PLPP2: variants seen among roughly 807,000 people sequenced by gnomAD.
PLPP2 encodes the protein PAP2-gamma.
A neutral mutation model predicts 35.2 loss-of-function variants in PLPP2; 29 were observed. The observed-to-expected ratio is 0.82, with a 90% CI of 0.61 to 1.12. The LOEUF is 1.12. Ranked by LOEUF, PLPP2 falls within the 50% of genes most tolerant of loss-of-function variation. PLPP2 has a pLI of 0.00. For missense variants in PLPP2, 353 were observed against 375.2 expected (o/e 0.94, Z 0.49); for synonymous variants, 162 against 167.0 (o/e 0.97, Z 0.23).
rs1600084349 is a variant in PLPP2, at chr19:288,176, T to G, written c.53-5A>C. The stretch of plus-strand genomic sequence containing the variant: ...GGATAGCGAAGGGCAGGGAGGCTGG[T>G]GGGGAAGAAAAGCCTGGGAGCTGTG... On this transcript the variant is annotated splice_region_variant and splice_polypyrimidine_tract_variant and intron_variant, in intron 1 of 5. Transcript: ENST00000434325. 1.3e-6 allele frequency: 2 copies of G among 1,567,910 alleles called. No homozygotes were observed. The highest frequency in any genetic ancestry group is 8.7e-7 in the Non-Finnish European group (1 of 1,152,410).
chr19:290,530 G>A (rs1970366125), intron 1 of PLPP2, among the ~76,000 whole-genome samples: 2 of 151,498 alleles, frequency 1.3e-5, no homozygotes, highest in Admixed American at 1.3e-4. Context: ...ACACGTTGGG[G>A]AGGAGGGCAC....
chr19:291,128 G>A (rs1389158142), intron 1 of PLPP2, 157 bp downstream of exon 1: 3 of 1,384,104 alleles, frequency 2.2e-6, no homozygotes, highest in East Asian at 3.0e-5. Flanking sequence ...TGCGGGGCGC[G>A]GAGGGAGGTC....
At position 282,127 on chromosome 19, in the gene PLPP2, A is replaced by G; in HGVS notation, c.717+7T>C. ...CACAGGGGATAGAGTTAGGGTTAGA[A>G]GCTCACAGTGAGGGCAGCCACCAGT... On this transcript the variant is annotated splice_region_variant and intron_variant, in intron 5 of 5. Transcript: ENST00000434325. The G allele has an allele frequency of 6.2e-7, 1 of 1,613,036 alleles. No homozygotes were observed. The highest frequency in any genetic ancestry group is 1.3e-5 in the African/African-American group (1 of 74,942).
chr19:281,445 C>T lies in PLPP2; in HGVS notation c.810G>A (p.Thr270=), dbSNP rs753899460. The change falls in exon 6 of 6, where the codon ACG becomes ACA. Residue 270 remains threonine, a synonymous_variant. Transcript: ENST00000434325. ...TGTGGTCAGCCTCGCCCAGGGTCAACGTCAGTGACAGGCTGGGCTTCCGTT... is the reference window on the plus strand; with the variant it reads ...TGTGGTCAGCCTCGCCCAGGGTCAATGTCAGTGACAGGCTGGGCTTCCGTT... ...ELERKPSLSL[T]LTLGEADHNH... 15 of 1,556,226 alleles carry T rather than the reference C, an allele frequency of 9.6e-6. 1 individual carries two copies. Among genetic ancestry groups the T allele is most frequent in the Admixed American group, 3.7e-5 (2 of 54,068 alleles).
At chr19:290,086 A>T (rs1970355970) in intron 1 of PLPP2, among the ~76,000 whole-genome samples, 1 of 152,032 alleles carries the variant, frequency 6.6e-6, no homozygotes, top group Admixed American at 6.6e-5. Flanking sequence ...AGCCCCCGGG[A>T]GCCCTCCCGC....
Position 287,856 on chromosome 19 carries a change from A to G in PLPP2, c.205-105T>C. On this transcript the variant is annotated intron_variant, in intron 2 of 5. Transcript: ENST00000434325. This position sits in a 1 kb window ranked among gnomAD's most constrained non-coding sequence, Gnocchi z 4.3. ...GCTGCTGGAGAGCTGGGGACTCTGAAGGGGGCCCTATTACCCACAGGTACC... is the reference window on the plus strand; with the variant it reads ...GCTGCTGGAGAGCTGGGGACTCTGAGGGGGGCCCTATTACCCACAGGTACC... 1 of 1,526,326 alleles carries G rather than the reference A, an allele frequency of 6.6e-7. No individual in the cohort carries two copies. The highest frequency in any genetic ancestry group is 2.0e-4 in the Middle Eastern group (1 of 5,022). The allele number at this position is 1,526,326 out of a possible 1,614,324, so 94.5% of individuals were successfully genotyped here.
At chr19:284,881 CAG>C (rs1568201482) in intron 3 of PLPP2, 1 of 152,200 alleles carries the variant, frequency 6.6e-6, no homozygotes, top group Non-Finnish European at 1.5e-5. Context: ...CTTTGGGAGG[CAG>C]AGACGGGCAG....
In PLPP2 at chr19:287,517, C is replaced by T; in HGVS notation, c.439G>A (p.Glu147Lys). 1.2e-6 allele frequency: 2 copies of T among 1,613,604 alleles called. No homozygotes were observed. Among genetic ancestry groups the T allele is most frequent in the Non-Finnish European group, 1.7e-6 (2 of 1,179,928 alleles). ...RVNCSVYVQL[E>K]KVCRGNPADV... is the part of the protein sequence containing the mutation. ...GCAGGGTTTCCCCTGCACACCTTCT[C>T]CAGCTGCACATAGACCGAGCAGTTG... The change falls in exon 3 of 6, where the codon GAG (glutamate) becomes AAG (lysine). Residue 147 changes from glutamate to lysine, a missense_variant. Transcript: ENST00000434325. The surrounding 1 kb of genome is among the most constrained non-coding windows in gnomAD (Gnocchi z 4.3).
Position 287,495 on chromosome 19 carries a change from G to A in PLPP2, c.461C>T (p.Pro154Leu), listed in dbSNP as rs778291591. Reference protein sequence around the residue: ...VQLEKVCRGNPADVTEARLSF... With the variant: ...VQLEKVCRGNLADVTEARLSF... ...CCACCTGGCCTCGGTGACATCAGCA[G>A]GGTTTCCCCTGCACACCTTCTCCAG... Residue 154 changes from proline to leucine, a missense_variant, in exon 3 of 6, where the codon CCT (proline) becomes CTT (leucine). By Grantham distance (98) the Pro-to-Leu change is moderately conservative (BLOSUM62 -3). Transcript: ENST00000434325. The surrounding 1 kb of genome is among the most constrained non-coding windows in gnomAD (Gnocchi z 4.3). 6.2e-7 allele frequency: 1 copy of A among 1,612,296 alleles called. No individual in the cohort carries two copies. Among genetic ancestry groups the A allele is most frequent in the Non-Finnish European group, 8.5e-7 (1 of 1,178,896 alleles).
chr19:291,002 C>A lies in PLPP2; in HGVS notation c.52+283G>T, dbSNP rs1970379134. On this transcript the variant is annotated intron_variant, in intron 1 of 5. Coordinates refer to ENST00000434325, the MANE Select transcript of PLPP2 (RefSeq NM_003712.4). ...GAGGCGCGCGCGCGGCCCCTCCGCA[C>A]AGACTTCCTGCTGCCGGGGCGGGGG... 5 of 1,274,520 alleles carry A rather than the reference C, an allele frequency of 3.9e-6. No individual in the cohort carries two copies. The South Asian group carries it at 1.1e-4, about 29-fold the overall frequency. 79.0% of individuals were successfully genotyped at this position (1,274,520 alleles called of 1,614,324 possible).
chr19:281,150 G>A lies in PLPP2; in HGVS notation c.*238C>T, dbSNP rs1413496267. 1.3e-5 allele frequency: 5 copies of A among 384,290 alleles called. No individual in the cohort carries two copies. The highest frequency in any genetic ancestry group is 3.7e-5 in the East Asian group (1 of 26,692). The allele number at this position is 384,290 out of a possible 1,614,324, so 23.8% of individuals were successfully genotyped here. ...CCTTCCTTAACCCCATAAAAAGAAG[G>A]GGATATTTGGGGACCGACGGGAACA... On this transcript the variant is annotated 3_prime_UTR_variant, in exon 6 of 6. Transcript: ENST00000434325.
chr19:281,451 T>C lies in PLPP2; in HGVS notation c.804A>G (p.Ser268=), dbSNP rs1271707487. 1.1e-5 allele frequency: 17 copies of C among 1,559,378 alleles called. No individual in the cohort carries two copies. The highest frequency in any genetic ancestry group is 1.5e-5 in the Non-Finnish European group (17 of 1,151,674). The change falls in exon 6 of 6, where the codon TCA becomes TCG. Residue 268 remains serine, a synonymous_variant. Transcript: ENST00000434325. ...CAGCCTCGCCCAGGGTCAACGTCAG[T>C]GACAGGCTGGGCTTCCGTTCCAGCT... ...EEELERKPSL[S]LTLTLGEADH...
intron 1 of PLPP2, 46 bp from the exon 2 acceptor site, chr19:288,217 C>G: frequency 1.3e-6 from 2 of 1,537,008 alleles, no homozygotes; most frequent in Non-Finnish European, 1.8e-6. Context: ...CTCTCACCAG[C>G]TGGGCCTTGG....
chr19:282,065 C>G, intron 5 of PLPP2, 69 bp downstream of exon 5: 1 of 1,552,976 alleles, frequency 6.4e-7, no homozygotes, highest in South Asian at 1.1e-5. Context: ...GTACCCAGGG[C>G]AGCACTAGGG....
At chr19:281,706 C>T (rs1970176824) in intron 5 of PLPP2, among the ~76,000 whole-genome samples, 169 bp from the exon 6 acceptor site, 1 of 150,670 alleles carries the variant, frequency 6.6e-6, no homozygotes, top group Non-Finnish European at 1.5e-5. Flanking sequence ...AGTGGAGGAC[C>T]AGTGGGGAGC....
At position 281,424 on chromosome 19, in the gene PLPP2, G is replaced by T. The variant is rs569329927; in HGVS notation, c.831C>A (p.Asp277Glu). The change falls in exon 6 of 6, where the codon GAC (aspartate) becomes GAA (glutamate). Residue 277 changes from aspartate (D) to glutamate (E), a missense_variant. Transcript: ENST00000434325. Reference sequence around the variant, plus strand: ...AGTGCGGGTATCCATAGTGGTTGTGGTCAGCCTCGCCCAGGGTCAACGTCA... The same window carrying T: ...AGTGCGGGTATCCATAGTGGTTGTGTTCAGCCTCGCCCAGGGTCAACGTCA... ...LSLTLTLGEA[D>E]HNHYGYPHSS... is the part of the protein sequence containing the mutation. The T allele has an allele frequency of 2.6e-6, 4 of 1,510,708 alleles. No homozygotes were observed. In the South Asian group the frequency reaches 5.4e-5, roughly 20 times the overall value. 93.6% of individuals were successfully genotyped at this position (1,510,708 alleles called of 1,614,324 possible). A position where few individuals can be genotyped will look rare whatever the true frequency, so the allele number is the denominator to read the frequency against.
Position 287,414 on chromosome 19 carries a change from T to G in PLPP2, c.482+60A>C. The G allele has an allele frequency of 6.4e-7, 1 of 1,555,418 alleles. No homozygotes were observed. The highest frequency in any genetic ancestry group is 2.3e-5 in the East Asian group (1 of 44,118). On this transcript the variant is annotated intron_variant, in intron 3 of 5. Transcript: ENST00000434325. This position sits in a 1 kb window ranked among gnomAD's most constrained non-coding sequence, Gnocchi z 4.3. ...GCCTGCTGGCTCTTCATGATTTGGC[T>G]CCAGGGCCTTCTTCAGCTCCCATTC... is the stretch of plus-strand genomic sequence containing the variant.
intron 1 of PLPP2, chr19:291,065 A>G (rs1970381056): frequency 7.7e-7 from 1 of 1,299,274 alleles, no homozygotes. Context: ...CGCGACCCCC[A>G]TCCCCCTGGG....
In PLPP2 at chr19:288,471, T is replaced by G. The variant is rs1041131508; in HGVS notation, c.53-300A>C. On this transcript the variant is annotated intron_variant, in intron 1 of 5. Coordinates refer to ENST00000434325, the MANE Select transcript of PLPP2 (RefSeq NM_003712.4). ...CCCAAAATATCTTTTTTTTTTAAAT[T>G]TTTAAAAGTAGAGACAGGGGTCTCA... 4.7e-5 allele frequency: 10 copies of G among 213,972 alleles called. No individual in the cohort carries two copies. The East Asian group carries it at 1.0e-3, about 22-fold the overall frequency. 13.3% of individuals were successfully genotyped at this position (213,972 alleles called of 1,614,324 possible). A position where few individuals can be genotyped will look rare whatever the true frequency, so the allele number is the denominator to read the frequency against.
Sources: gnomAD v4.1 joint callset for allele counts (sites outside exome capture counted in the v4.1 genomes callset) on GRCh38, gnomAD v4.1.1 for gene constraint, Gnocchi (gnomAD v3.1) non-coding constraint, MANE v1.5 for transcripts, NCBI Gene and HGNC (gene_info 2026-07-23, HGNC 2026-07-21) for gene names.